FAM13B: variants seen among roughly 807,000 people sequenced by gnomAD.
The protein encoded by FAM13B is family with sequence similarity 13 member B, also known as protein FAM13B.
Under a neutral mutation model 117.3 loss-of-function variants are expected in FAM13B, and 60 were observed. The ratio of observed to expected loss-of-function variants is 0.51; its 90% CI spans 0.42 to 0.63. FAM13B has a LOEUF of 0.63. FAM13B is among the 30% of genes least tolerant of loss of function. The pLI is 0.00. For synonymous variants in FAM13B, 332 were observed against 356.1 expected (o/e 0.93, Z 0.76); for missense variants, 972 against 1,091.9 (o/e 0.89, Z 1.55).
In FAM13B at chr5:137,938,374, T is replaced by C. The variant is rs1436357698; in HGVS notation, c.*1851A>G. The C allele has an allele frequency of 1.3e-5, 2 of 152,636 alleles. No homozygotes were observed. Among genetic ancestry groups the C allele is most frequent in the African/African-American group, 4.8e-5 (2 of 41,454 alleles). The allele number at this position is 152,636 out of a possible 1,614,324, so 9.5% of individuals were successfully genotyped here. The stretch of plus-strand genomic sequence containing the variant: ...CATATGGACATTTTTGCATGTGGTA[T>C]ATAAAATAAAACATTCATATAAGAT... On this transcript the variant is annotated 3_prime_UTR_variant, in exon 24 of 24. Transcript: ENST00000689681.
intron 1 of FAM13B, among the ~76,000 whole-genome samples, chr5:138,049,774 A>T (rs1220009226): frequency 6.6e-6 from 1 of 152,144 alleles, no homozygotes; most frequent in African/African-American, 2.4e-5. Flanking sequence ...TAACCCAAGA[A>T]AGCTTCCAAA....
chr5:137,980,739 C>G (rs1037821859), intron 10 of FAM13B, among the ~76,000 whole-genome samples: 1 of 152,098 alleles, frequency 6.6e-6, no homozygotes, highest in Non-Finnish European at 1.5e-5. Flanking sequence ...TGCGCCCAGC[C>G]TAATACACCA....
intron 5 of FAM13B, 93 bp from the exon 6 acceptor site, chr5:138,011,242 C>A (rs1307960819): frequency 2.6e-6 from 3 of 1,149,118 alleles, no homozygotes; most frequent in Non-Finnish European, 3.7e-6. Context: ...TGAACATGGG[C>A]AATTTATGTT....
At chr5:137,962,313 TA>T in intron 11 of FAM13B, 91 bp downstream of exon 11, 1 of 969,600 alleles carries the variant, frequency 1.0e-6, no homozygotes, top group Non-Finnish European at 1.6e-6. Flanking sequence ...TATATATTTA[TA>T]ATGGACATTC....
chr5:138,021,305 G>C (rs1786644584), intron 1 of FAM13B, 108 bp from the exon 2 acceptor site: 1 of 872,346 alleles, frequency 1.1e-6, no homozygotes, highest in Admixed American at 4.3e-5. Context: ...TATATTGAAA[G>C]GTATTCTTCT....
Position 137,988,350 on chromosome 5 carries a change from T to C in FAM13B, c.849-35A>G, listed in dbSNP as rs569554767. 127 of 1,532,992 alleles carry C rather than the reference T, an allele frequency of 8.3e-5. 1 individual carries two copies. The South Asian group carries it at 1.4e-3, about 17-fold the overall frequency. The allele number at this position is 1,532,992 out of a possible 1,614,324, so 95.0% of individuals were successfully genotyped here. On this transcript the variant is annotated intron_variant, in intron 7 of 23. Transcript: ENST00000689681. ...AAGAAAGAAATTAGCTATAAAAATG[T>C]TCAATACTTAATAACTACAAAATGT... is the stretch of plus-strand genomic sequence containing the variant.
At chr5:137,980,777 T>C (rs1475017427) in intron 10 of FAM13B, among the ~76,000 whole-genome samples, 1 of 152,056 alleles carries the variant, frequency 6.6e-6, no homozygotes, top group Non-Finnish European at 1.5e-5. Context: ...ATTTACCGAG[T>C]TGTTTACTAG....
chr5:137,954,060 T>TTTTTA, intron 15 of FAM13B, 106 bp downstream of exon 15: 3 of 523,716 alleles, frequency 5.7e-6, no homozygotes, highest in Admixed American at 3.8e-5. Flanking sequence ...TTTTTTTTTT[T>TTTTTA]GAGATGGAGT....
chr5:137,959,518 AAG>A, intron 13 of FAM13B, 96 bp downstream of exon 13: 10 of 1,247,676 alleles, frequency 8.0e-6, no homozygotes, highest in Non-Finnish European at 1.1e-5. Flanking sequence ...CAAGATGAAT[AAG>A]GTTATCCAGA....
At position 137,938,030 on chromosome 5, in the gene FAM13B, C is replaced by A. The variant is rs1475579471; in HGVS notation, c.*2195G>T. 1 of 151,964 alleles carries A rather than the reference C, an allele frequency of 6.6e-6. No homozygotes were observed. Among genetic ancestry groups the A allele is most frequent in the Non-Finnish European group, 1.5e-5 (1 of 68,020 alleles). 9.4% of individuals were successfully genotyped at this position (151,964 alleles called of 1,614,324 possible). A position where few individuals can be genotyped will look rare whatever the true frequency, so the allele number is the denominator to read the frequency against. On this transcript the variant is annotated 3_prime_UTR_variant, in exon 24 of 24. Transcript: ENST00000689681. The stretch of plus-strand genomic sequence containing the variant: ...TGCCAGACACAGCAATGCCATTATA[C>A]TGGTGGACATATATATCTATATATT...
intron 13 of FAM13B, among the ~76,000 whole-genome samples, chr5:137,958,417 T>C (rs1018222225): frequency 5.3e-5 from 8 of 151,946 alleles, no homozygotes; most frequent in Non-Finnish European, 1.2e-4. Flanking sequence ...AATGACTTGG[T>C]TGGGGCTCTT....
At chr5:138,014,017 G>A (rs1386256491) in intron 4 of FAM13B, among the ~76,000 whole-genome samples, 1 of 152,092 alleles carries the variant, frequency 6.6e-6, no homozygotes, top group Non-Finnish European at 1.5e-5. Flanking sequence ...GCCCACCACA[G>A]CCTCAACCTC....
At chr5:138,050,170 G>A (rs780398727) in intron 1 of FAM13B, among the ~76,000 whole-genome samples, 2 of 152,048 alleles carry the variant, frequency 1.3e-5, no homozygotes, top group Non-Finnish European at 2.9e-5. Flanking sequence ...AGGCATGGTG[G>A]CTCATGCCTG....
intron 4 of FAM13B, among the ~76,000 whole-genome samples, chr5:138,015,369 TTAAC>T (rs1784997080): frequency 6.6e-6 from 1 of 152,204 alleles, no homozygotes; most frequent in South Asian, 2.1e-4. Context: ...TTAAAAGCAA[TTAAC>T]TGTCATGTAT....
At chr5:137,970,012 T>C (rs888180445) in intron 10 of FAM13B, among the ~76,000 whole-genome samples, 1 of 152,010 alleles carries the variant, frequency 6.6e-6, no homozygotes, top group African/African-American at 2.4e-5. Context: ...ACGGGGAGAA[T>C]GGAACCAAGT....
intron 1 of FAM13B, among the ~76,000 whole-genome samples, chr5:138,023,857 G>T (rs1251022759): frequency 2.6e-5 from 4 of 152,168 alleles, no homozygotes; most frequent in Non-Finnish European, 4.4e-5. Context: ...ACCATGCCCG[G>T]CCTCAAAGTC....
At chr5:137,964,923 T>C (rs1026706140) in intron 10 of FAM13B, among the ~76,000 whole-genome samples, 7 of 151,852 alleles carry the variant, frequency 4.6e-5, no homozygotes, top group Non-Finnish European at 7.4e-5. Context: ...TCCCAACACT[T>C]TGGGAGGCCA....
At chr5:138,024,284 TAAG>T (rs1244548849) in intron 1 of FAM13B, among the ~76,000 whole-genome samples, 1 of 151,852 alleles carries the variant, frequency 6.6e-6, no homozygotes, top group Non-Finnish European at 1.5e-5. Context: ...CATGCCCTTA[TAAG>T]AAGAGGACAA....
intron 7 of FAM13B, among the ~76,000 whole-genome samples, chr5:138,006,485 G>C (rs1410971734): frequency 6.6e-6 from 1 of 152,194 alleles, no homozygotes; most frequent in Non-Finnish European, 1.5e-5. Context: ...GTGCCCAGTG[G>C]TCCCAGCTAT....
Sources: allele counts gnomAD v4.1 joint callset (sites outside exome capture counted in the v4.1 genomes callset), GRCh38; gene constraint gnomAD v4.1.1; transcripts MANE v1.5; gene names NCBI Gene and HGNC (gene_info 2026-07-23, HGNC 2026-07-21).